The following HNRNPL variants were observed in gnomAD, a reference collection of about 807,000 sequenced individuals.
HNRNPL encodes the protein epididymis secretory sperm binding protein.
A neutral mutation model predicts 64.0 loss-of-function variants in HNRNPL; 12 were observed. That is an observed-to-expected ratio of 0.19 (90% CI 0.12 to 0.30). The LOEUF (loss-of-function observed/expected upper bound fraction) is 0.30, where lower values mean the gene tolerates loss of function less well. Ranked by LOEUF, HNRNPL falls within the 10% of genes least tolerant of loss-of-function variation. The pLI is 1.00. For synonymous variants in HNRNPL, 385 were observed against 313.0 expected (o/e 1.23, Z -2.43); for missense variants, 484 against 797.4 (o/e 0.61, Z 4.73).
chr19:38,849,551 T>A, intron 1 of HNRNPL, 149 bp downstream of exon 1: 1 of 1,120,288 alleles, frequency 8.9e-7, no homozygotes, highest in Non-Finnish European at 1.1e-6. Context: ...CCCCGCCGTT[T>A]GCCCAACGGC....
intron 1 of HNRNPL, 95 bp downstream of exon 1, chr19:38,849,605 T>G: frequency 2.4e-6 from 3 of 1,275,658 alleles, no homozygotes; most frequent in Non-Finnish European, 3.0e-6. Context: ...CCTGGGCGCG[T>G]GCGCAGAGGC....
intron 2 of HNRNPL, 150 bp from the exon 3 acceptor site, chr19:38,846,240 A>T (rs1972291052): frequency 2.9e-6 from 2 of 689,980 alleles, no homozygotes; most frequent in Non-Finnish European, 5.2e-6. Context: ...CCTGTGCCAC[A>T]AGTAGTACCA....
intron 10 of HNRNPL, 56 bp downstream of exon 10, chr19:38,838,341 C>G: frequency 7.0e-7 from 1 of 1,433,834 alleles, no homozygotes. Context: ...AATGAATGGC[C>G]TACTCAGACG....
At position 38,849,856 on chromosome 19, in the gene HNRNPL, C is replaced by A; in HGVS notation, c.111G>T (p.Ala37=). Residue 37 remains alanine (A), a synonymous_variant, in exon 1 of 13, where the codon GCG becomes GCT. Transcript: ENST00000221419. ...RRSGAMVKMA[A]AGGGGGGGRY... ...GGCCACCGCCGCCTCCGCCGCCCGC[C>A]GCCGCCATCTTCACCATCGCTCCCG... 8.2e-7 allele frequency: 1 copy of A among 1,217,686 alleles called. No homozygotes were observed. Among genetic ancestry groups the A allele is most frequent in the Non-Finnish European group, 1.2e-6 (1 of 865,344 alleles). The allele number at this position is 1,217,686 out of a possible 1,614,324, so 75.4% of individuals were successfully genotyped here.
rs1971942436 is a variant in HNRNPL, at chr19:38,836,787, A to T, written c.1712-7T>A. ...GTGTAAGGGTATGGACCATCTGCAA[A>T]GGAGAGACAAGTTTGGTTGGTTCCC... On this transcript the variant is annotated splice_region_variant and splice_polypyrimidine_tract_variant and intron_variant, in intron 12 of 12. Coordinates refer to ENST00000221419, the MANE Select transcript of HNRNPL (RefSeq NM_001533.3). 1 of 1,609,864 alleles carries T rather than the reference A, an allele frequency of 6.2e-7. No individual in the cohort carries two copies. Among genetic ancestry groups the T allele is most frequent in the Admixed American group, 1.7e-5 (1 of 59,034 alleles).
rs1469844949 is a variant in HNRNPL, at chr19:38,836,785, A to G, written c.1712-5T>C. On this transcript the variant is annotated splice_region_variant and splice_polypyrimidine_tract_variant and intron_variant, in intron 12 of 12. Coordinates refer to ENST00000221419, the MANE Select transcript of HNRNPL (RefSeq NM_001533.3). The stretch of plus-strand genomic sequence containing the variant: ...GAGTGTAAGGGTATGGACCATCTGC[A>G]AAGGAGAGACAAGTTTGGTTGGTTC... The G allele has an allele frequency of 1.2e-6, 2 of 1,610,548 alleles. No homozygotes were observed. Among genetic ancestry groups the G allele is most frequent in the Non-Finnish European group, 1.7e-6 (2 of 1,178,548 alleles).
chr19:38,841,132 GA>G, intron 6 of HNRNPL: 1 of 214,372 alleles, frequency 4.7e-6, no homozygotes, highest in South Asian at 6.4e-5. Context: ...GGCAACAGCA[GA>G]ATCAGTTCAA....
chr19:38,841,416 G>GC, intron 6 of HNRNPL: 1 of 365,552 alleles, frequency 2.7e-6, no homozygotes, highest in Non-Finnish European at 5.4e-6. Flanking sequence ...AAGTCACAAA[G>GC]CAAGACAGTG....
rs777805053 is a variant in HNRNPL at position 38,845,861 on chromosome 19, T to C, written c.616A>G (p.Ile206Val). The stretch of plus-strand genomic sequence containing the variant: ...TGCCTGCTGGCACGTACCGTGGTGA[T>C]CGAATAAATGGGGTTCAGGATGGTA... ...LFTILNPIYS[I>V]TTDVLYTICN... Residue 206 changes from isoleucine (I) to valine (V), a missense_variant, in exon 3 of 13, where the codon ATC (isoleucine) becomes GTC (valine). Ile to Val is a conservative substitution (Grantham distance 29, BLOSUM62 3). This residue lies in a region of HNRNPL where 60 missense variants were observed against 192.2 expected (regional missense o/e 0.31). Transcript: ENST00000221419. The C allele has an allele frequency of 6.2e-7, 1 of 1,613,566 alleles. No individual in the cohort carries two copies. The highest frequency in any genetic ancestry group is 8.5e-7 in the Non-Finnish European group (1 of 1,179,542).
At chr19:38,844,297 G>A (rs1198483064) in intron 4 of HNRNPL, among the ~76,000 whole-genome samples, 193 bp from the exon 5 acceptor site, 7 of 152,116 alleles carry the variant, frequency 4.6e-5, no homozygotes, top group African/African-American at 1.2e-4. Context: ...ACGCTGCCCC[G>A]GGTGAGCAGT....
At chr19:38,851,228 C>G (rs1464284673), upstream of HNRNPL, 1 of 152,422 alleles carries the variant, frequency 6.6e-6, no homozygotes, top group Non-Finnish European at 1.5e-5. Flanking sequence ...CTTTCTTCCT[C>G]AAGGGCGGGG....
Position 38,849,951 on chromosome 19 carries a change from G to A in HNRNPL, c.16C>T (p.Leu6=), listed in dbSNP as rs1972455761. Residue 6 remains leucine (L), a synonymous_variant, in exon 1 of 13, where the codon CTG becomes TTG. Coordinates refer to ENST00000221419, the MANE Select transcript of HNRNPL (RefSeq NM_001533.3). MSRRL[L]PRAEKRRRRL... Reference sequence around the variant, plus strand: ...CGACGCCGCTTCTCCGCCCGGGGCAGCAGCCTCCGCGACATGGCGGCGCAG... The same window carrying A: ...CGACGCCGCTTCTCCGCCCGGGGCAACAGCCTCCGCGACATGGCGGCGCAG... The A allele has an allele frequency of 7.4e-7, 1 of 1,352,296 alleles. No individual in the cohort carries two copies. Among genetic ancestry groups the A allele is most frequent in the Non-Finnish European group, 9.6e-7 (1 of 1,042,902 alleles). The allele number at this position is 1,352,296 out of a possible 1,614,324, so 83.8% of individuals were successfully genotyped here. A position where few individuals can be genotyped will look rare whatever the true frequency, so the allele number is the denominator to read the frequency against.
At chr19:38,850,694 T>C (rs1294361740), upstream of HNRNPL, among the ~76,000 whole-genome samples, 3 of 152,192 alleles carry the variant, frequency 2.0e-5, no homozygotes, top group African/African-American at 4.8e-5. Context: ...TAGACCAAGA[T>C]TGACAGGAAC....
chr19:38,840,490 T>C lies in HNRNPL; in HGVS notation c.950A>G (p.Tyr317Cys). 1 of 1,590,772 alleles carries C rather than the reference T, an allele frequency of 6.3e-7. No homozygotes were observed. The highest frequency in any genetic ancestry group is 8.5e-7 in the Non-Finnish European group (1 of 1,169,736). Residue 317 changes from tyrosine (Y) to cysteine (C), a missense_variant and splice_region_variant, in exon 7 of 13, where the codon TAT becomes TGT. By Grantham distance (194) the Tyr-to-Cys change is radical. Coordinates refer to ENST00000221419, the MANE Select transcript of HNRNPL (RefSeq NM_001533.3). Reference protein sequence around the residue: ...PPLLGDHPAEYGGPHGGYHSH... With the variant: ...PPLLGDHPAECGGPHGGYHSH... ...GGAGGGGAACCCCCTGCCCTCACCA[T>C]ATTCTGCGGGGTGATCTCCCAGGAG...
At chr19:38,845,545 G>A (rs1055029188) in intron 4 of HNRNPL, 105 bp downstream of exon 4, 13 of 885,312 alleles carry the variant, frequency 1.5e-5, no homozygotes, top group Non-Finnish European at 2.4e-5. Flanking sequence ...GCACATGGCA[G>A]CCACTCCCGT....
At chr19:38,848,168 G>A (rs1370003051) in intron 1 of HNRNPL, among the ~76,000 whole-genome samples, 1 of 152,206 alleles carries the variant, frequency 6.6e-6, no homozygotes, top group African/African-American at 2.4e-5. Context: ...TTAGTCCACT[G>A]CAACCTCCGC....
chr19:38,843,134 G>A (rs1005487062), intron 6 of HNRNPL, among the ~76,000 whole-genome samples: 2 of 152,114 alleles, frequency 1.3e-5, no homozygotes, highest in African/African-American at 4.8e-5. Flanking sequence ...CTCAGCCCAT[G>A]GCCTGGTCCG....
chr19:38,839,022 G>T lies in HNRNPL; in HGVS notation c.1234-7C>A, dbSNP rs1226558364. The stretch of plus-strand genomic sequence containing the variant: ...TGCTTTTCATGAATTTCACCTTGGG[G>T]AGAGTAGCTGCAGTCAGCACCTCTG... On this transcript the variant is annotated splice_polypyrimidine_tract_variant and splice_region_variant and intron_variant, in intron 8 of 12. Transcript: ENST00000221419. 2 of 1,613,862 alleles carry T rather than the reference G, an allele frequency of 1.2e-6. No homozygotes were observed. Among genetic ancestry groups the T allele is most frequent in the African/African-American group, 1.3e-5 (1 of 74,934 alleles).
intron 4 of HNRNPL, chr19:38,845,349 C>T: frequency 6.3e-6 from 2 of 319,436 alleles, no homozygotes; most frequent in Non-Finnish European, 5.9e-6. Context: ...CCAGCCCAGG[C>T]AACAAGGGCT....
Sources: allele counts gnomAD v4.1 joint callset (sites outside exome capture counted in the v4.1 genomes callset), GRCh38; gene constraint gnomAD v4.1.1; regional missense constraint gnomAD v4.1.1; transcripts MANE v1.5; gene names NCBI Gene and HGNC (gene_info 2026-07-23, HGNC 2026-07-21).